The following LHFPL4 variants were observed in gnomAD, a reference collection of about 807,000 sequenced individuals.
The protein encoded by LHFPL4 is LHFPL tetraspan subfamily member 4 protein.
LHFPL4 carries 6 observed loss-of-function variants against 20.0 expected under a neutral mutation model. The observed-to-expected ratio is 0.30, with a 90% CI of 0.16 to 0.59. The LOEUF (loss-of-function observed/expected upper bound fraction) is 0.59, where lower values mean the gene tolerates loss of function less well. LHFPL4 is among the 20% of genes least tolerant of loss of function. The pLI is 0.88. For synonymous variants in LHFPL4, 129 were observed against 143.8 expected (o/e 0.90, Z 0.74); for missense variants, 215 against 331.2 (o/e 0.65, Z 2.72).
rs565470113 is a variant in LHFPL4, at chr3:9,499,517, G to A, written c.*2694C>T. 9 of 152,500 alleles carry A rather than the reference G, an allele frequency of 5.9e-5. No homozygotes were observed. The highest frequency in any genetic ancestry group is 3.9e-4 in the Admixed American group (6 of 15,310). 9.4% of individuals were successfully genotyped at this position (152,500 alleles called of 1,614,324 possible). A position where few individuals can be genotyped will look rare whatever the true frequency, so the allele number is the denominator to read the frequency against. On this transcript the variant is annotated 3_prime_UTR_variant, in exon 4 of 4. Transcript: ENST00000287585. ...AGATGGCAGCTGGCCAGGTGCGGTG[G>A]AATGGGAATGTTGCCAGGCTACCCC...
At position 9,533,541 on chromosome 3, in the gene LHFPL4, G is replaced by T. The variant is rs148138474; in HGVS notation, c.406+18733C>A. On this transcript the variant is annotated intron_variant, in intron 2 of 3. Coordinates refer to ENST00000287585, the MANE Select transcript of LHFPL4 (RefSeq NM_198560.3). ...CTCACGCCTGTAATCCCAACACTTT[G>T]CGAGGCCAAGGTGGGCGGATCACGA... Among the ~76,000 whole-genome samples, 1,072 of 152,334 alleles carry T rather than the reference G, an allele frequency of 7.0e-3. 12 individuals are homozygous for T. The highest frequency in any genetic ancestry group is 0.048 in the East Asian group (247 of 5,184).
At chr3:9,529,110 C>A (rs77515318) in intron 2 of LHFPL4, among the ~76,000 whole-genome samples, 33,253 of 151,708 alleles carry the variant, frequency 0.22, 4,477 homozygotes, top group East Asian at 0.42. Flanking sequence ...CTCACTACAA[C>A]CTCTGCCTCC....
chr3:9,540,441 CT>C (rs2046470033), intron 2 of LHFPL4, among the ~76,000 whole-genome samples: 1 of 152,170 alleles, frequency 6.6e-6, no homozygotes. Flanking sequence ...GATTTAGGAA[CT>C]TACTTCTTGT....
chr3:9,510,771 C>G (rs929628108), intron 2 of LHFPL4, among the ~76,000 whole-genome samples: 1 of 151,794 alleles, frequency 6.6e-6, no homozygotes, highest in Non-Finnish European at 1.5e-5. Context: ...AACCCCATCT[C>G]TACTAAAAAT....
rs1314232565 is a variant in LHFPL4 at position 9,552,737 on chromosome 3, C to T, written c.-58G>A. On this transcript the variant is annotated 5_prime_UTR_variant, in exon 2 of 4. Coordinates refer to ENST00000287585, the MANE Select transcript of LHFPL4 (RefSeq NM_198560.3). ...GCTGGCGGGGGCCGCCGGCCCGGGA[C>T]GGAGCGCCGGGCTGCCGGGCGGGAG... 1.9e-6 allele frequency: 2 copies of T among 1,072,656 alleles called. No individual in the cohort carries two copies. Among genetic ancestry groups the T allele is most frequent in the Non-Finnish European group, 2.3e-6 (2 of 866,466 alleles). 66.4% of individuals were successfully genotyped at this position (1,072,656 alleles called of 1,614,324 possible).
intron 2 of LHFPL4, among the ~76,000 whole-genome samples, chr3:9,543,703 G>A (rs2046492561): frequency 1.3e-5 from 2 of 149,056 alleles, no homozygotes; most frequent in South Asian, 4.2e-4. Context: ...CTACGTTTTG[G>A]GGTGATTTGT....
intron 2 of LHFPL4, among the ~76,000 whole-genome samples, chr3:9,534,075 G>A (rs1028861515): frequency 6.6e-5 from 10 of 152,104 alleles, no homozygotes; most frequent in Admixed American, 2.0e-4. Context: ...AATTAGCCAG[G>A]CATGGTGGTG....
At chr3:9,548,059 G>T (rs1559524655) in intron 2 of LHFPL4, among the ~76,000 whole-genome samples, 1 of 152,146 alleles carries the variant, frequency 6.6e-6, no homozygotes, top group Non-Finnish European at 1.5e-5. Context: ...GCCTGCTTCA[G>T]CCTCCCAAAG....
chr3:9,541,132 C>T (rs1294826796), intron 2 of LHFPL4, among the ~76,000 whole-genome samples: 1 of 151,656 alleles, frequency 6.6e-6, no homozygotes, highest in Non-Finnish European at 1.5e-5. Flanking sequence ...TTAGTAGAGA[C>T]GGGGTTTCAC....
At chr3:9,546,991 G>A (rs189089045) in intron 2 of LHFPL4, among the ~76,000 whole-genome samples, 4 of 152,168 alleles carry the variant, frequency 2.6e-5, no homozygotes, top group Admixed American at 6.6e-5. Context: ...TTCTTGGTTC[G>A]TTTTGTTTTA....
chr3:9,517,663 G>A (rs1265278035), intron 2 of LHFPL4, among the ~76,000 whole-genome samples: 1 of 145,228 alleles, frequency 6.9e-6, no homozygotes, highest in Admixed American at 6.9e-5. Flanking sequence ...CTCCAGACAG[G>A]GCGACAGAGC....
At chr3:9,518,307 C>G (rs746439728) in intron 2 of LHFPL4, among the ~76,000 whole-genome samples, 1 of 151,994 alleles carries the variant, frequency 6.6e-6, no homozygotes, top group Non-Finnish European at 1.5e-5. Flanking sequence ...ATTTGACTTG[C>G]TAATAATTTG....
At chr3:9,523,985 C>A (rs1032571360) in intron 2 of LHFPL4, among the ~76,000 whole-genome samples, 2 of 95,556 alleles carry the variant, frequency 2.1e-5, no homozygotes, top group Admixed American at 2.2e-4. Flanking sequence ...CTAGTATTTC[C>A]CCCCCCCCCA....
At chr3:9,505,919 G>C (rs1396368155) in intron 3 of LHFPL4, 48 bp downstream of exon 3, 1 of 1,530,516 alleles carries the variant, frequency 6.5e-7, no homozygotes, top group African/African-American at 1.4e-5. Flanking sequence ...TGCCTCCCAG[G>C]ACCAGGCCTG....
intron 2 of LHFPL4, among the ~76,000 whole-genome samples, chr3:9,515,532 C>T (rs987139727): frequency 1.3e-5 from 2 of 152,070 alleles, no homozygotes; most frequent in Non-Finnish European, 2.9e-5. Flanking sequence ...CTCTACCACA[C>T]CTGGCTCATT....
At chr3:9,502,576 G>A (rs2046185149) in intron 3 of LHFPL4, among the ~76,000 whole-genome samples, 1 of 152,094 alleles carries the variant, frequency 6.6e-6, no homozygotes, top group African/African-American at 2.4e-5. Flanking sequence ...GGTGGTGCAT[G>A]CCTGTAATTC....
chr3:9,508,976 A>G (rs924251277), intron 2 of LHFPL4, among the ~76,000 whole-genome samples: 1 of 152,190 alleles, frequency 6.6e-6, no homozygotes, highest in African/African-American at 2.4e-5. Flanking sequence ...CCGTGGTGCC[A>G]GAGGCGCGGG....
At chr3:9,508,364 T>G (rs2648424) in intron 2 of LHFPL4, among the ~76,000 whole-genome samples, 7 of 152,112 alleles carry the variant, frequency 4.6e-5, no homozygotes, top group African/African-American at 1.4e-4. Flanking sequence ...ATGCTCCTCC[T>G]CCAAGTCAAT....
chr3:9,536,788 C>G (rs1478943157), intron 2 of LHFPL4, among the ~76,000 whole-genome samples: 1 of 151,618 alleles, frequency 6.6e-6, no homozygotes, highest in South Asian at 2.1e-4. Flanking sequence ...ATAGTGAGAC[C>G]CTATCTCTAA....
Sources: gnomAD v4.1 joint callset for allele counts (sites outside exome capture counted in the v4.1 genomes callset) on GRCh38, gnomAD v4.1.1 for gene constraint, MANE v1.5 for transcripts, NCBI Gene and HGNC (gene_info 2026-07-23, HGNC 2026-07-21) for gene names.